Variants in ANKS1B observed in about 807,000 individuals in gnomAD.
ANKS1B encodes the protein ankyrin repeat and sterile alpha motif domain containing 1B.
A neutral mutation model predicts 148.3 loss-of-function variants in ANKS1B; 36 were observed. The ratio of observed to expected loss-of-function variants is 0.24; its 90% confidence interval spans 0.19 to 0.32. The LOEUF is 0.32. Ranked by LOEUF, ANKS1B falls within the 10% of genes least tolerant of loss-of-function variation. ANKS1B has a pLI of 1.00. For synonymous variants in ANKS1B, 542 were observed against 560.8 expected, an observed-to-expected ratio of 0.97 and a Z score of 0.47; for missense variants, 1,157 against 1,542.6, an observed-to-expected ratio of 0.75 and a Z score of 4.19.
downstream of ANKS1B, among the ~76,000 whole-genome samples, chr12:98,741,239 A>T (rs187126973): frequency 6.6e-6 from 1 of 152,132 alleles, no homozygotes; most frequent in East Asian, 1.9e-4. Flanking sequence ...TGCCTCCTCC[A>T]CCCACTCACC....
chr12:99,234,548 G>C (rs1188651227), intron 14 of ANKS1B, among the ~76,000 whole-genome samples: 3 of 152,142 alleles, frequency 2.0e-5, no homozygotes, highest in Non-Finnish European at 4.4e-5. Flanking sequence ...GACCACAGCA[G>C]CAAACACAAT....
intron 5 of ANKS1B, among the ~76,000 whole-genome samples, chr12:99,781,303 T>G: frequency 6.6e-6 from 1 of 152,112 alleles, no homozygotes. Flanking sequence ...TCTGCCAATG[T>G]TTTTCATTTT....
chr12:98,973,524 G>C lies in ANKS1B; in HGVS notation c.2778+79633C>G, dbSNP rs773451550. On this transcript the variant is annotated intron_variant, in intron 17 of 26. Transcript: ENST00000683438. ...ATTCCAGAAATAAACAGTTTATTAC[G>C]TTTTAAAATGGATGTCCTTCTGAGT... Among the ~76,000 whole-genome samples the C allele has an allele frequency of 3.3e-5, 5 of 152,104 alleles. No homozygotes were observed. In the South Asian group the frequency reaches 1.0e-3, roughly 32 times the overall value.
chr12:99,270,322 G>A (rs1240339023), intron 12 of ANKS1B, among the ~76,000 whole-genome samples: 3 of 152,084 alleles, frequency 2.0e-5, no homozygotes, highest in Non-Finnish European at 4.4e-5. Context: ...TCCTCAGAGA[G>A]GCCTATTCTG....
intron 16 of ANKS1B, among the ~76,000 whole-genome samples, chr12:99,082,780 G>GTGATA (rs1419144528): frequency 6.6e-6 from 1 of 152,132 alleles, no homozygotes; most frequent in Non-Finnish European, 1.5e-5. Context: ...CACAAAGGAA[G>GTGATA]TGATATGATA....
chr12:99,725,737 A>C (rs2058555603), intron 8 of ANKS1B, among the ~76,000 whole-genome samples: 1 of 152,164 alleles, frequency 6.6e-6, no homozygotes. Context: ...TCTCAAATTG[A>C]CCACAAAATT....
intron 17 of ANKS1B, among the ~76,000 whole-genome samples, chr12:98,937,113 G>A (rs1481328235): frequency 3.3e-5 from 5 of 152,182 alleles, no homozygotes; most frequent in African/African-American, 1.2e-4. Flanking sequence ...TCAAAGTGGA[G>A]AATGCATACT....
At chr12:99,787,735 A>C (rs896874314) in intron 4 of ANKS1B, among the ~76,000 whole-genome samples, 1 of 152,216 alleles carries the variant, frequency 6.6e-6, no homozygotes, top group African/African-American at 2.4e-5. Context: ...GTGGAAGAGA[A>C]AGTCTTGAAT....
intron 9 of ANKS1B, among the ~76,000 whole-genome samples, chr12:99,601,428 T>C (rs1474919607): frequency 6.6e-6 from 1 of 152,126 alleles, no homozygotes; most frequent in Admixed American, 6.6e-5. Flanking sequence ...ATTGTAGCTT[T>C]AGATTAATTT....
chr12:99,723,340 G>C (rs2058290005), intron 8 of ANKS1B, among the ~76,000 whole-genome samples: 1 of 152,160 alleles, frequency 6.6e-6, no homozygotes, highest in Non-Finnish European at 1.5e-5. Flanking sequence ...TTGGTTCCGA[G>C]AGGGGTCCCC....
At chr12:99,658,499 G>C (rs1453049991) in intron 8 of ANKS1B, among the ~76,000 whole-genome samples, 1 of 151,832 alleles carries the variant, frequency 6.6e-6, no homozygotes, top group Admixed American at 6.6e-5. Context: ...ATGTTCTTCT[G>C]CTTGTCTCTC....
intron 2 of ANKS1B, among the ~76,000 whole-genome samples, chr12:99,816,268 G>C (rs2069127000): frequency 6.6e-6 from 1 of 151,648 alleles, no homozygotes; most frequent in Non-Finnish European, 1.5e-5. Context: ...TCACATGTTT[G>C]TTGGCTGTCT....
chr12:99,143,698 T>G, intron 15 of ANKS1B, among the ~76,000 whole-genome samples: 1 of 152,092 alleles, frequency 6.6e-6, no homozygotes, highest in East Asian at 1.9e-4. Context: ...ACCTGGAAAT[T>G]CATCTGTATT....
chr12:98,953,537 G>GTTTT lies in ANKS1B; in HGVS notation c.2778+99616_2778+99619dup, dbSNP rs1166158783. Among the ~76,000 whole-genome samples, 134 of 57,454 alleles carry GTTTT rather than the reference G, an allele frequency of 2.3e-3. 23 individuals are homozygous for GTTTT. In the East Asian group the frequency reaches 0.026, roughly 11 times the overall value. The allele number at this position is 57,454 out of a possible 152,430, so 37.7% of individuals were successfully genotyped here. ...CATGTCCATTTGAGAATCTAGAGTGGTTTTTTTTTTTTTTTTTTTTTTTTT... is the reference window on the plus strand; with the variant it reads ...CATGTCCATTTGAGAATCTAGAGTGGTTTTTTTTTTTTTTTTTTTTTTTTTTTTT... On this transcript the variant is annotated intron_variant, in intron 17 of 26. Coordinates refer to ENST00000683438, the MANE Select transcript of ANKS1B (RefSeq NM_001352186.2).
intron 1 of ANKS1B, among the ~76,000 whole-genome samples, chr12:99,920,194 C>T (rs924325349): frequency 1.3e-5 from 2 of 152,034 alleles, no homozygotes; most frequent in African/African-American, 4.8e-5. Context: ...GATGATTTGC[C>T]ACAAATAGTC....
At chr12:98,755,161 G>A (rs1422154183) in intron 25 of ANKS1B, among the ~76,000 whole-genome samples, 1 of 152,108 alleles carries the variant, frequency 6.6e-6, no homozygotes, top group Non-Finnish European at 1.5e-5. Flanking sequence ...CAGGACACAT[G>A]TGTGAATGGG....
At chr12:99,291,759 A>G (rs1417138433) in intron 12 of ANKS1B, among the ~76,000 whole-genome samples, 1 of 152,164 alleles carries the variant, frequency 6.6e-6, no homozygotes, top group Non-Finnish European at 1.5e-5. Context: ...TTCAAACTAT[A>G]CTACAAGGCT....
intron 12 of ANKS1B, among the ~76,000 whole-genome samples, chr12:99,382,718 AGAGAGAG>A (rs1385160130): frequency 8.3e-5 from 6 of 72,398 alleles, no homozygotes; most frequent in African/African-American, 3.4e-4. Context: ...AAAAAAAAAA[AGAGAGAG>A]AGAGAGAGAG....
intron 16 of ANKS1B, among the ~76,000 whole-genome samples, chr12:99,078,670 A>G (rs889215290): frequency 1.3e-5 from 2 of 152,180 alleles, no homozygotes; most frequent in African/African-American, 2.4e-5. Context: ...TTTTAACTAC[A>G]AATGTGGACA....
Sources: gnomAD v4.1 joint callset for allele counts (sites outside exome capture counted in the v4.1 genomes callset) on GRCh38, gnomAD v4.1.1 for gene constraint, MANE v1.5 for transcripts, NCBI Gene and HGNC (gene_info 2026-07-23, HGNC 2026-07-21) for gene names.